The following EDC3 variants were observed in gnomAD, a reference collection of about 807,000 sequenced individuals.
EDC3 encodes enhancer of mRNA decapping 3.
A neutral mutation model predicts 41.8 loss-of-function variants in EDC3; 20 were observed. The observed-to-expected ratio is 0.48, with a 90% confidence interval of 0.34 to 0.70. EDC3 has a LOEUF of 0.70. EDC3 is among the 30% of genes least tolerant of loss of function. The probability of loss-of-function intolerance (pLI) is 0.01; values close to 1 mark genes in which losing one functional copy is unlikely to be tolerated. For missense variants in EDC3, 444 were observed against 636.8 expected (o/e 0.70, Z 3.26); for synonymous variants, 206 against 243.2 (o/e 0.85, Z 1.42).
intron 1 of EDC3, among the ~76,000 whole-genome samples, chr15:74,685,409 A>G (rs991949453): frequency 6.6e-6 from 1 of 151,160 alleles, no homozygotes; most frequent in Non-Finnish European, 1.5e-5. Context: ...TCTCAAAACA[A>G]AAAGTATATA....
intron 1 of EDC3, among the ~76,000 whole-genome samples, chr15:74,694,792 C>A (rs1157653126): frequency 1.3e-5 from 2 of 152,108 alleles, no homozygotes; most frequent in Non-Finnish European, 2.9e-5. Flanking sequence ...ATATATCTAA[C>A]TGTGGGTCAC....
At chr15:74,695,646 C>T (rs1300813367) in intron 1 of EDC3, 1 of 152,444 alleles carries the variant, frequency 6.6e-6, no homozygotes, top group Non-Finnish European at 1.5e-5. Context: ...CCTCACTCCC[C>T]ACACAATCCC....
At chr15:74,680,841 A>G (rs2062862834) in intron 1 of EDC3, among the ~76,000 whole-genome samples, 1 of 152,208 alleles carries the variant, frequency 6.6e-6, no homozygotes, top group African/African-American at 2.4e-5. Flanking sequence ...AGCAATGAAC[A>G]CATGGGCAAT....
intron 4 of EDC3, 140 bp downstream of exon 4, chr15:74,655,593 A>G: frequency 1.3e-6 from 1 of 797,978 alleles, no homozygotes; most frequent in South Asian, 1.9e-5. Flanking sequence ...TCCCCAAGAG[A>G]CAATAATACC....
At position 74,663,835 on chromosome 15, in the gene EDC3, C is replaced by T. The variant is rs556366983; in HGVS notation, c.484+7620G>A. On this transcript the variant is annotated intron_variant, in intron 3 of 6. Coordinates refer to ENST00000315127, the MANE Select transcript of EDC3 (RefSeq NM_025083.5). ...GTAAAGTTCGTTCACAGCATGTTGA[C>T]AAAGTGCCCCACTATAAAGACTAAC... is the stretch of plus-strand genomic sequence containing the variant. 3.3e-5 allele frequency among the ~76,000 whole-genome samples: 5 copies of T among 152,086 alleles called. No homozygotes were observed. In the South Asian group the frequency reaches 1.0e-3, roughly 32 times the overall value.
At chr15:74,659,987 G>C (rs934102617) in intron 3 of EDC3, among the ~76,000 whole-genome samples, 4 of 152,004 alleles carry the variant, frequency 2.6e-5, no homozygotes, top group African/African-American at 9.7e-5. Context: ...AGAGATTGCA[G>C]TGAGCCGAGA....
chr15:74,631,162 T>G lies in EDC3; in HGVS notation c.*1450A>C, dbSNP rs1171259607. 1 of 152,284 alleles carries G rather than the reference T, an allele frequency of 6.6e-6. No homozygotes were observed. The highest frequency in any genetic ancestry group is 1.9e-4 in the East Asian group (1 of 5,202). 9.4% of individuals were successfully genotyped at this position (152,284 alleles called of 1,614,324 possible). On this transcript the variant is annotated 3_prime_UTR_variant, in exon 7 of 7. Transcript: ENST00000315127. The stretch of plus-strand genomic sequence containing the variant: ...CCCTCTACCCTGGCTCATCTGCTTC[T>G]GGCTATGTTCCTACAAGGGAAGTGA...
At chr15:74,635,305 C>A in intron 6 of EDC3, 104 bp downstream of exon 6, 1 of 1,064,090 alleles carries the variant, frequency 9.4e-7, no homozygotes. Flanking sequence ...ACCATCCTTA[C>A]ACACGTAGTG....
intron 1 of EDC3, among the ~76,000 whole-genome samples, chr15:74,680,161 T>C (rs1017670781): frequency 6.9e-6 from 1 of 145,248 alleles, no homozygotes; most frequent in East Asian, 2.0e-4. Context: ...CTCGAGAGGC[T>C]GAGGCAGGAG....
At chr15:74,689,564 G>A (rs1403886999) in intron 1 of EDC3, among the ~76,000 whole-genome samples, 3 of 147,410 alleles carry the variant, frequency 2.0e-5, no homozygotes, top group South Asian at 2.1e-4. Context: ...TCGCTCTTTC[G>A]CCCAGGCCGG....
At chr15:74,640,640 A>G (rs1303225993) in intron 4 of EDC3, 21 bp from the exon 5 acceptor site, 1 of 1,614,088 alleles carries the variant, frequency 6.2e-7, no homozygotes. Context: ...AAAGGAGAAG[A>G]GAAAGGGAAA....
At chr15:74,669,726 T>C (rs992982564) in intron 3 of EDC3, among the ~76,000 whole-genome samples, 3 of 152,268 alleles carry the variant, frequency 2.0e-5, no homozygotes, top group African/African-American at 7.2e-5. Context: ...TGTAATAAAC[T>C]TTCTGAGTGG....
intron 3 of EDC3, among the ~76,000 whole-genome samples, chr15:74,658,753 A>G (rs1361426740): frequency 6.6e-6 from 1 of 151,694 alleles, no homozygotes; most frequent in African/African-American, 2.4e-5. Context: ...ATCCTGGCTA[A>G]CACGGTGAAA....
rs746813483 is a variant in EDC3, at chr15:74,671,818, T to C, written c.165-44A>G. ...CCAAGTCTCAAAATTATAATAGTGG[T>C]AAGAATGATGAAACTGAGATCATTA... On this transcript the variant is annotated intron_variant, in intron 2 of 6. Coordinates refer to ENST00000315127, the MANE Select transcript of EDC3 (RefSeq NM_025083.5). This position sits in a 1 kb window ranked among gnomAD's most constrained non-coding sequence, Gnocchi z 4.6. The C allele has an allele frequency of 6.4e-7, 1 of 1,573,820 alleles. No individual in the cohort carries two copies. The highest frequency in any genetic ancestry group is 8.7e-7 in the Non-Finnish European group (1 of 1,147,768).
At chr15:74,666,063 G>A (rs1215674950) in intron 3 of EDC3, among the ~76,000 whole-genome samples, 1 of 152,014 alleles carries the variant, frequency 6.6e-6, no homozygotes, top group Admixed American at 6.6e-5. Flanking sequence ...CTCCGAAAGT[G>A]TTAAGATTAC....
Position 74,632,273 on chromosome 15 carries a change from T to C in EDC3, c.*339A>G, listed in dbSNP as rs1200778851. ...AGACAGGACCTGGCCCACTCTTCAA[T>C]GTGTGTGCCCAGGCCCAGTGGCTGT... On this transcript the variant is annotated 3_prime_UTR_variant, in exon 7 of 7. Coordinates refer to ENST00000315127, the MANE Select transcript of EDC3 (RefSeq NM_025083.5). The surrounding 1 kb of genome is among the most constrained non-coding windows in gnomAD (Gnocchi z 4.0). The C allele has an allele frequency of 6.0e-6, 2 of 335,416 alleles. No homozygotes were observed. The highest frequency in any genetic ancestry group is 4.3e-5 in the Admixed American group (1 of 23,262). 20.8% of individuals were successfully genotyped at this position (335,416 alleles called of 1,614,324 possible). A position where few individuals can be genotyped will look rare whatever the true frequency, so the allele number is the denominator to read the frequency against.
intron 5 of EDC3, chr15:74,636,970 T>C (rs540357014): frequency 6.1e-4 from 93 of 152,288 alleles, no homozygotes; most frequent in African/African-American, 2.1e-3. Flanking sequence ...ATATGGGCAC[T>C]GGAAATGGAC....
intron 5 of EDC3, chr15:74,637,386 T>C (rs1354347677): frequency 2.0e-5 from 3 of 152,136 alleles, no homozygotes; most frequent in African/African-American, 4.8e-5. Flanking sequence ...CACTTAATGG[T>C]CTCAAAGTGC....
chr15:74,688,829 C>G (rs1046111700), intron 1 of EDC3, among the ~76,000 whole-genome samples: 4 of 151,204 alleles, frequency 2.6e-5, no homozygotes, highest in Non-Finnish European at 5.9e-5. Context: ...ATCGCTTGAA[C>G]TGGGGAGGCG....
Sources: gnomAD v4.1 joint callset for allele counts (sites outside exome capture counted in the v4.1 genomes callset) on GRCh38, gnomAD v4.1.1 for gene constraint, Gnocchi (gnomAD v3.1) non-coding constraint, MANE v1.5 for transcripts, NCBI Gene and HGNC (gene_info 2026-07-23, HGNC 2026-07-21) for gene names.